GALNT13: variants seen among roughly 807,000 people sequenced by gnomAD.
GALNT13 encodes the protein UDP-GalNAc:polypeptide N-acetylgalactosaminyltransferase 13.
In GALNT13, 28 loss-of-function variants were observed where a neutral mutation model predicts 64.2. The observed-to-expected ratio is 0.44, with a 90% confidence interval of 0.32 to 0.60. The LOEUF (loss-of-function observed/expected upper bound fraction) is 0.60, where lower values mean the gene tolerates loss of function less well. Among genes scored for constraint, GALNT13 ranks in the 20% least tolerant of loss-of-function variants. GALNT13 has a pLI of 0.05. For synonymous variants in GALNT13, 214 were observed against 224.6 expected (o/e 0.95, Z 0.42); for missense variants, 577 against 669.8 (o/e 0.86, Z 1.53).
At chr2:153,705,455 T>C in the GALNT13 span, among the ~76,000 whole-genome samples, 1 of 151,996 alleles carries the variant, frequency 6.6e-6, no homozygotes, top group South Asian at 2.1e-4. Flanking sequence ...GAAAACTCAG[T>C]GAGTCACAAT....
intron 3 of GALNT13, among the ~76,000 whole-genome samples, chr2:154,041,244 T>A (rs1440974183): frequency 7.1e-6 from 1 of 140,638 alleles, no homozygotes; most frequent in African/African-American, 2.4e-5. Flanking sequence ...ACTCAAGCTA[T>A]CTTAAATGAA....
the GALNT13 span, among the ~76,000 whole-genome samples, chr2:153,089,217 C>G: frequency 6.6e-6 from 1 of 152,148 alleles, no homozygotes; most frequent in Non-Finnish European, 1.5e-5. Flanking sequence ...GACCTTACCT[C>G]TCCTTCACTT....
chr2:154,158,855 T>C (rs1055417838), intron 4 of GALNT13, among the ~76,000 whole-genome samples: 1 of 152,124 alleles, frequency 6.6e-6, no homozygotes, highest in Admixed American at 6.5e-5. Flanking sequence ...ATTCCAATAA[T>C]GGAACAGTAG....
chr2:154,085,974 G>A (rs894247098), intron 3 of GALNT13, among the ~76,000 whole-genome samples: 1 of 151,692 alleles, frequency 6.6e-6, no homozygotes, highest in African/African-American at 2.4e-5. Flanking sequence ...ATTTGACAAT[G>A]CCATTAGTAG....
intron 3 of GALNT13, among the ~76,000 whole-genome samples, chr2:153,987,419 C>T (rs1242624048): frequency 1.3e-5 from 2 of 151,676 alleles, no homozygotes; most frequent in Admixed American, 1.3e-4. Context: ...AACTGTTAAG[C>T]AAGAAGGTAC....
At chr2:153,272,345 A>T in the GALNT13 span, among the ~76,000 whole-genome samples, 8 of 151,898 alleles carry the variant, frequency 5.3e-5, no homozygotes, top group Non-Finnish European at 8.8e-5. Context: ...ATGGGAGAAA[A>T]TTTTTGCAGT....
chr2:153,200,699 G>T, the GALNT13 span, among the ~76,000 whole-genome samples: 2 of 152,142 alleles, frequency 1.3e-5, no homozygotes, highest in African/African-American at 4.8e-5. Flanking sequence ...GAGGATTAGA[G>T]AAATGCAGAA....
At chr2:153,317,588 A>G in the GALNT13 span, among the ~76,000 whole-genome samples, 1 of 152,062 alleles carries the variant, frequency 6.6e-6, no homozygotes, top group East Asian at 1.9e-4. Context: ...TTAAAGTCTA[A>G]GGTTTTCATT....
intron 3 of GALNT13, among the ~76,000 whole-genome samples, chr2:154,072,907 T>G: frequency 6.6e-6 from 1 of 152,026 alleles, no homozygotes; most frequent in African/African-American, 2.4e-5. Flanking sequence ...GATAGGGATA[T>G]GAAAACATTT....
In GALNT13 at chr2:154,438,447, G is replaced by T; in HGVS notation, c.1396-145G>T. 1.3e-5 allele frequency: 7 copies of T among 553,796 alleles called. No individual in the cohort carries two copies. In the South Asian group the frequency reaches 2.0e-4, roughly 16 times the overall value. 34.3% of individuals were successfully genotyped at this position (553,796 alleles called of 1,614,324 possible). A position where few individuals can be genotyped will look rare whatever the true frequency, so the allele number is the denominator to read the frequency against. On this transcript the variant is annotated intron_variant, in intron 11 of 12. Coordinates refer to ENST00000392825, the MANE Select transcript of GALNT13 (RefSeq NM_052917.4). ...GCAGTTGAGGAAAAAGACTCAAAGAGATGAATTAGCTTTCTCAAGATAACA... is the reference window on the plus strand; with the variant it reads ...GCAGTTGAGGAAAAAGACTCAAAGATATGAATTAGCTTTCTCAAGATAACA...
chr2:153,326,521 T>C, the GALNT13 span, among the ~76,000 whole-genome samples: 3 of 152,320 alleles, frequency 2.0e-5, no homozygotes, highest in East Asian at 5.8e-4. Flanking sequence ...AATTTGATCC[T>C]GTCATTATGA....
the GALNT13 span, among the ~76,000 whole-genome samples, chr2:153,168,533 G>A: frequency 7.9e-5 from 12 of 152,104 alleles, no homozygotes; most frequent in African/African-American, 2.4e-4. Context: ...CTTAGTTACC[G>A]TGTGTGGAGG....
At chr2:154,204,194 G>A (rs143567679) in intron 4 of GALNT13, among the ~76,000 whole-genome samples, 31 of 152,158 alleles carry the variant, frequency 2.0e-4, no homozygotes, top group African/African-American at 7.0e-4. Context: ...ATCAACCATC[G>A]TTCACTGATC....
At chr2:153,420,504 G>A in the GALNT13 span, among the ~76,000 whole-genome samples, 1 of 152,042 alleles carries the variant, frequency 6.6e-6, no homozygotes, top group Non-Finnish European at 1.5e-5. Flanking sequence ...TTTACTTCAA[G>A]CCTTTAATTT....
At chr2:154,164,891 A>G (rs1326434409) in intron 4 of GALNT13, among the ~76,000 whole-genome samples, 1 of 152,120 alleles carries the variant, frequency 6.6e-6, no homozygotes, top group East Asian at 1.9e-4. Flanking sequence ...TTTAAGGAGG[A>G]CAGCAGTTGG....
intron 10 of GALNT13, among the ~76,000 whole-genome samples, chr2:154,405,115 A>T (rs1322761531): frequency 1.3e-5 from 2 of 152,144 alleles, no homozygotes; most frequent in East Asian, 3.9e-4. Flanking sequence ...GTGTAATCTA[A>T]TATTTCAAAA....
At chr2:153,777,018 G>A in the GALNT13 span, among the ~76,000 whole-genome samples, 2 of 152,146 alleles carry the variant, frequency 1.3e-5, no homozygotes, top group East Asian at 1.9e-4. Flanking sequence ...ACCTGTGGAA[G>A]TGTTTTTCCT....
At chr2:154,327,144 T>G (rs1574092710) in intron 9 of GALNT13, among the ~76,000 whole-genome samples, 1 of 151,506 alleles carries the variant, frequency 6.6e-6, no homozygotes, top group Non-Finnish European at 1.5e-5. Context: ...GTGAGTGAGA[T>G]CTCACGAGAT....
chr2:153,565,433 A>T, the GALNT13 span, among the ~76,000 whole-genome samples: 1 of 152,068 alleles, frequency 6.6e-6, no homozygotes. Context: ...TTTGCTTCCA[A>T]ATTATCTTTT....
Sources: allele counts gnomAD v4.1 joint callset (sites outside exome capture counted in the v4.1 genomes callset), GRCh38; gene constraint gnomAD v4.1.1; transcripts MANE v1.5; gene names NCBI Gene and HGNC (gene_info 2026-07-23, HGNC 2026-07-21).